The following LEPROTL1 variants were observed in gnomAD, a reference collection of about 807,000 sequenced individuals.
LEPROTL1 encodes the protein leptin receptor overlapping transcript-like 1.
Under a neutral mutation model 15.4 loss-of-function variants are expected in LEPROTL1, and 6 were observed. The observed-to-expected ratio is 0.39, with a 90% CI of 0.21 to 0.77. The LOEUF (loss-of-function observed/expected upper bound fraction) is 0.77, where lower values mean the gene tolerates loss of function less well. Among genes scored for constraint, LEPROTL1 ranks in the 30% least tolerant of loss-of-function variants. The probability of loss-of-function intolerance (pLI) is 0.41; values close to 1 mark genes in which losing one functional copy is unlikely to be tolerated. For synonymous variants in LEPROTL1, 56 were observed against 52.6 expected, an observed-to-expected ratio of 1.06 and a Z score of -0.28; for missense variants, 128 against 158.1, an observed-to-expected ratio of 0.81 and a Z score of 1.02.
At position 30,106,950 on chromosome 8, in the gene LEPROTL1, C is replaced by T; in HGVS notation, c.*1088C>T. 2.0e-6 allele frequency: 2 copies of T among 985,542 alleles called. No homozygotes were observed. Among genetic ancestry groups the T allele is most frequent in the Non-Finnish European group, 2.4e-6 (2 of 829,800 alleles). 61.0% of individuals were successfully genotyped at this position (985,542 alleles called of 1,614,324 possible). A position where few individuals can be genotyped will look rare whatever the true frequency, so the allele number is the denominator to read the frequency against. On this transcript the variant is annotated 3_prime_UTR_variant, in exon 4 of 4. Transcript: ENST00000321250. The stretch of plus-strand genomic sequence containing the variant: ...TTGCTATGCCGTACATTCAGAGTGC[C>T]CCCTCCCCTGCAAGGCCTTGCCATG...
chr8:30,121,049 C>G (rs180809079), intron 3 of LEPROTL1, among the ~76,000 whole-genome samples: 1 of 152,132 alleles, frequency 6.6e-6, no homozygotes, highest in African/African-American at 2.4e-5. Context: ...TAGGTACCTC[C>G]TATGGAATCA....
chr8:30,129,083 T>C (rs375637209), intron 3 of LEPROTL1, among the ~76,000 whole-genome samples: 9 of 152,146 alleles, frequency 5.9e-5, no homozygotes, highest in African/African-American at 2.2e-4. Context: ...TGTTTTTTAA[T>C]AGAGATGGCA....
chr8:30,132,733 G>C, intron 4 of LEPROTL1: 1 of 1,551,700 alleles, frequency 6.4e-7, no homozygotes, highest in South Asian at 1.2e-5. Flanking sequence ...CAGGAGAGCA[G>C]GGAAAAAGAG....
At chr8:30,100,227 A>C (rs926937939) in intron 1 of LEPROTL1, among the ~76,000 whole-genome samples, 2 of 152,180 alleles carry the variant, frequency 1.3e-5, no homozygotes, top group Non-Finnish European at 2.9e-5. Flanking sequence ...TGTGCAGAGT[A>C]TATCAGTAGT....
intron 2 of LEPROTL1, among the ~76,000 whole-genome samples, chr8:30,102,368 C>T (rs569184558): frequency 4.6e-5 from 7 of 151,858 alleles, no homozygotes; most frequent in African/African-American, 1.5e-4. Flanking sequence ...AATTACTTTC[C>T]GGCCGGGTGC....
At chr8:30,097,116 C>G (rs888444274) in intron 1 of LEPROTL1, among the ~76,000 whole-genome samples, 3 of 152,188 alleles carry the variant, frequency 2.0e-5, no homozygotes, top group Non-Finnish European at 4.4e-5. Context: ...CCAGACTTAT[C>G]TAAGCTTTGT....
chr8:30,124,360 A>T, intron 3 of LEPROTL1, among the ~76,000 whole-genome samples: 1 of 152,202 alleles, frequency 6.6e-6, no homozygotes, highest in Admixed American at 6.5e-5. Flanking sequence ...AAAAAATAGA[A>T]TATATTGAAC....
At chr8:30,125,565 A>G (rs1022510677) in intron 3 of LEPROTL1, among the ~76,000 whole-genome samples, 2 of 152,220 alleles carry the variant, frequency 1.3e-5, no homozygotes, top group African/African-American at 4.8e-5. Flanking sequence ...TGGATGCCTT[A>G]CTTTTTCTGC....
chr8:30,121,860 T>G (rs1490965420), intron 3 of LEPROTL1, among the ~76,000 whole-genome samples: 1 of 47,680 alleles, frequency 2.1e-5, no homozygotes, highest in African/African-American at 7.4e-5. Flanking sequence ...TTTTTTGTTT[T>G]CTTTTTATCT....
downstream of LEPROTL1, among the ~76,000 whole-genome samples, chr8:30,110,338 CAG>C (rs1802634815): frequency 6.6e-6 from 1 of 152,182 alleles, no homozygotes; most frequent in Non-Finnish European, 1.5e-5. Context: ...TGTAATTCTG[CAG>C]AGTTTTGTAT....
intron 3 of LEPROTL1, 62 bp downstream of exon 3, chr8:30,104,548 G>A (rs759638162): frequency 3.3e-6 from 4 of 1,199,534 alleles, no homozygotes; most frequent in Non-Finnish European, 3.4e-6. Context: ...TTTTTCTCAA[G>A]CAAAGTTTTT....
downstream of LEPROTL1, among the ~76,000 whole-genome samples, chr8:30,108,835 C>G (rs1802612906): frequency 1.3e-5 from 2 of 152,132 alleles, no homozygotes; most frequent in South Asian, 4.1e-4. Context: ...GCCATGCTGG[C>G]CACACTGGTC....
At position 30,106,327 on chromosome 8, in the gene LEPROTL1, A is replaced by G. The variant is rs1383926945; in HGVS notation, c.*465A>G. The G allele has an allele frequency of 5.1e-5, 50 of 986,866 alleles. No individual in the cohort carries two copies. The highest frequency in any genetic ancestry group is 1.4e-4 in the South Asian group (3 of 21,414). The allele number at this position is 986,866 out of a possible 1,614,324, so 61.1% of individuals were successfully genotyped here. A position where few individuals can be genotyped will look rare whatever the true frequency, so the allele number is the denominator to read the frequency against. ...AAAAATAAGTTTTCAGTCAGTCAGG[A>G]TGACATCACTCCCAATGTTATGCAG... On this transcript the variant is annotated 3_prime_UTR_variant, in exon 4 of 4. Transcript: ENST00000321250.
intron 3 of LEPROTL1, 87 bp downstream of exon 3, chr8:30,104,573 A>C (rs1802528882): frequency 2.6e-6 from 2 of 775,126 alleles, no homozygotes; most frequent in Admixed American, 5.7e-5. Context: ...ATGACATGAA[A>C]AGAGGTGAAA....
intron 3 of LEPROTL1, chr8:30,104,712 T>TTA: frequency 2.8e-6 from 1 of 361,210 alleles, no homozygotes; most frequent in Non-Finnish European, 4.9e-6. Context: ...ACTTTTTTTT[T>TTA]TCTTTTTTTT....
At chr8:30,131,594 G>C (rs1803017170) in intron 3 of LEPROTL1, among the ~76,000 whole-genome samples, 1 of 152,096 alleles carries the variant, frequency 6.6e-6, no homozygotes, top group Non-Finnish European at 1.5e-5. Flanking sequence ...GGATCAGGTG[G>C]GTCAACTGAA....
At chr8:30,097,443 C>T (rs1310267212) in intron 1 of LEPROTL1, among the ~76,000 whole-genome samples, 3 of 151,888 alleles carry the variant, frequency 2.0e-5, no homozygotes, top group Admixed American at 1.3e-4. Flanking sequence ...GAGGCCGAGA[C>T]GGATGGATCA....
intron 4 of LEPROTL1, chr8:30,137,231 C>T (rs780979113): frequency 1.7e-5 from 25 of 1,453,576 alleles, no homozygotes; most frequent in Non-Finnish European, 2.4e-5. Flanking sequence ...CATGACAACA[C>T]TTCTCTAGAC....
intron 2 of LEPROTL1, among the ~76,000 whole-genome samples, chr8:30,103,734 T>C (rs1802509413): frequency 6.8e-6 from 1 of 147,522 alleles, no homozygotes; most frequent in African/African-American, 2.5e-5. Flanking sequence ...AGAGCGAGAC[T>C]CTGTCTCAAA....
Sources: gnomAD v4.1 joint callset for allele counts (sites outside exome capture counted in the v4.1 genomes callset) on GRCh38, gnomAD v4.1.1 for gene constraint, MANE v1.5 for transcripts, NCBI Gene and HGNC (gene_info 2026-07-23, HGNC 2026-07-21) for gene names.